The following CNTN5 variants were observed in gnomAD, a reference collection of about 807,000 sequenced individuals.
CNTN5 encodes contactin 5.
Under a neutral mutation model 129.1 loss-of-function variants are expected in CNTN5, and 77 were observed. That is an observed-to-expected ratio of 0.60 (90% CI 0.50 to 0.72). The LOEUF (loss-of-function observed/expected upper bound fraction) is 0.72. Among genes scored for constraint, CNTN5 ranks in the 30% least tolerant of loss-of-function variants. The pLI is 0.00. For missense variants in CNTN5, 1,478 were observed against 1,328.8 expected, an observed-to-expected ratio of 1.11 and a Z score of -1.75; for synonymous variants, 509 against 465.6, an observed-to-expected ratio of 1.09 and a Z score of -1.20.
intron 1 of CNTN5, among the ~76,000 whole-genome samples, chr11:99,262,692 A>G (rs887119525): frequency 6.6e-6 from 1 of 151,598 alleles, no homozygotes; most frequent in South Asian, 2.1e-4. Flanking sequence ...ATTAATGTTT[A>G]AAATTATGTT....
intron 2 of CNTN5, among the ~76,000 whole-genome samples, chr11:99,342,440 T>G (rs76187305): frequency 0.075 from 11,371 of 151,392 alleles, 467 homozygotes; most frequent in Middle Eastern, 0.13. Flanking sequence ...ATTTTATTAT[T>G]TAAGAAGCAG....
rs144114709 is a variant in CNTN5, at chr11:99,513,065, T to C, written c.-70-43080T>C. Among the ~76,000 whole-genome samples, 751 of 152,228 alleles carry C rather than the reference T, an allele frequency of 4.9e-3. 20 individuals are homozygous for C. The highest frequency in any genetic ancestry group is 0.038 in the Admixed American group (580 of 15,254). On this transcript the variant is annotated intron_variant, in intron 2 of 24. Coordinates refer to ENST00000524871, the MANE Select transcript of CNTN5 (RefSeq NM_014361.4). ...GGAAATTTTCTGAAGGAATTTAAAG[T>C]GCTACTCCAGTGAATACATGAATGA...
intron 8 of CNTN5, among the ~76,000 whole-genome samples, chr11:99,986,115 C>T (rs1938659700): frequency 6.6e-6 from 1 of 152,136 alleles, no homozygotes; most frequent in Non-Finnish European, 1.5e-5. Context: ...TATCAGTTCA[C>T]CACTTCACTG....
At chr11:99,363,687 C>A (rs1272164844) in intron 2 of CNTN5, among the ~76,000 whole-genome samples, 3 of 151,924 alleles carry the variant, frequency 2.0e-5, no homozygotes, top group Non-Finnish European at 4.4e-5. Context: ...TTTCACGGGT[C>A]AAACAAAATA....
At chr11:99,093,975 A>C (rs911205401) in intron 1 of CNTN5, among the ~76,000 whole-genome samples, 3 of 152,024 alleles carry the variant, frequency 2.0e-5, no homozygotes, top group African/African-American at 4.8e-5. Context: ...TAACATATTG[A>C]TATATAACAT....
intron 3 of CNTN5, among the ~76,000 whole-genome samples, chr11:99,729,343 G>A (rs1174108867): frequency 1.3e-5 from 2 of 151,958 alleles, no homozygotes; most frequent in African/African-American, 4.8e-5. Flanking sequence ...GTTAAGGTTT[G>A]TTATATAGGT....
intron 1 of CNTN5, among the ~76,000 whole-genome samples, chr11:99,150,782 C>A (rs952177160): frequency 6.6e-6 from 1 of 151,910 alleles, no homozygotes; most frequent in African/African-American, 2.4e-5. Flanking sequence ...TGTTAGAGAC[C>A]AATTTCCTTG....
chr11:99,582,524 T>C (rs1224901271), intron 3 of CNTN5, among the ~76,000 whole-genome samples: 1 of 152,192 alleles, frequency 6.6e-6, no homozygotes, highest in Non-Finnish European at 1.5e-5. Flanking sequence ...TTTGTTCATT[T>C]CTTTTTATTC....
At chr11:99,345,935 CA>C (rs1202312453) in intron 2 of CNTN5, among the ~76,000 whole-genome samples, 3 of 152,046 alleles carry the variant, frequency 2.0e-5, no homozygotes, top group African/African-American at 7.2e-5. Flanking sequence ...TCAAAAGATA[CA>C]TGAGAGATTA....
chr11:100,295,649 A>T (rs1018881827), intron 18 of CNTN5, among the ~76,000 whole-genome samples: 7 of 151,402 alleles, frequency 4.6e-5, no homozygotes, highest in African/African-American at 1.7e-4. Flanking sequence ...AGCCTACTCT[A>T]AAACTGTAAT....
intron 2 of CNTN5, among the ~76,000 whole-genome samples, chr11:99,459,531 G>T (rs372928048): frequency 2.6e-5 from 4 of 152,116 alleles, no homozygotes; most frequent in African/African-American, 9.6e-5. Flanking sequence ...ACTGAGACTA[G>T]CATGAACTAT....
chr11:100,123,636 A>G lies in CNTN5; in HGVS notation c.1580+49342A>G, dbSNP rs567305908. 7.9e-5 allele frequency among the ~76,000 whole-genome samples: 12 copies of G among 152,172 alleles called. No individual in the cohort carries two copies. The South Asian group carries it at 2.5e-3, about 32-fold the overall frequency. The stretch of plus-strand genomic sequence containing the variant: ...GTTTTTGTAGTCTAACCAAGAATCA[A>G]AACAAATTCTGCAACTCAAAATGCT... On this transcript the variant is annotated intron_variant, in intron 13 of 24. Transcript: ENST00000524871.
intron 6 of CNTN5, among the ~76,000 whole-genome samples, chr11:99,884,660 A>G (rs1948852758): frequency 6.6e-6 from 1 of 152,202 alleles, no homozygotes; most frequent in Admixed American, 6.5e-5. Flanking sequence ...GAAACTGTAG[A>G]ACATATATTA....
At chr11:99,472,417 C>A (rs188091009) in intron 2 of CNTN5, among the ~76,000 whole-genome samples, 4 of 152,148 alleles carry the variant, frequency 2.6e-5, no homozygotes, top group Non-Finnish European at 5.9e-5. Flanking sequence ...GTCTGTTTCA[C>A]ATCATTGTAA....
chr11:99,063,154 C>G (rs1864955094), intron 1 of CNTN5, among the ~76,000 whole-genome samples: 1 of 152,132 alleles, frequency 6.6e-6, no homozygotes, highest in Admixed American at 6.6e-5. Flanking sequence ...ATTTGCTGTC[C>G]TGGGATGAAA....
At chr11:99,137,810 C>A (rs552566544) in intron 1 of CNTN5, among the ~76,000 whole-genome samples, 1 of 93,472 alleles carries the variant, frequency 1.1e-5, no homozygotes, top group South Asian at 4.1e-4. Flanking sequence ...ATACATCAAT[C>A]TGCCAGAAAT....
At chr11:100,351,657 T>TAAAAAAAAAAAAA (rs60798966) in intron 24 of CNTN5, among the ~76,000 whole-genome samples, 6 of 103,650 alleles carry the variant, frequency 5.8e-5, no homozygotes, top group Admixed American at 9.9e-5. Context: ...GTAGAGATAG[T>TAAAAAAAAAAAAA]AAAAAAAAAA....
chr11:99,247,768 A>T (rs1227516032), intron 1 of CNTN5, among the ~76,000 whole-genome samples: 2 of 152,068 alleles, frequency 1.3e-5, no homozygotes, highest in African/African-American at 4.8e-5. Context: ...AGCTTCATCC[A>T]TGTCCCTACA....
At chr11:99,924,049 C>T (rs1950003398) in intron 7 of CNTN5, among the ~76,000 whole-genome samples, 1 of 152,180 alleles carries the variant, frequency 6.6e-6, no homozygotes. Flanking sequence ...TTCTGCGTCC[C>T]AAAGTGCTGG....
Sources: gnomAD v4.1 joint callset for allele counts (sites outside exome capture counted in the v4.1 genomes callset) on GRCh38, gnomAD v4.1.1 for gene constraint, MANE v1.5 for transcripts, NCBI Gene and HGNC (gene_info 2026-07-23, HGNC 2026-07-21) for gene names.